Variants in UBR3 observed in about 807,000 individuals in gnomAD.
UBR3 encodes E3 ubiquitin-protein ligase UBR3.
Under a neutral mutation model 243.2 loss-of-function variants are expected in UBR3, and 85 were observed. The ratio of observed to expected loss-of-function variants is 0.35; its 90% CI spans 0.29 to 0.42. The LOEUF is 0.42. UBR3 is among the 10% of genes least tolerant of loss of function. The pLI is 1.00. For missense variants in UBR3, 1,686 were observed against 2,300.8 expected (o/e 0.73, Z 5.47); for synonymous variants, 748 against 799.8 (o/e 0.94, Z 1.09).
chr2:169,909,188 T>C lies in UBR3; in HGVS notation c.1779+3024T>C, dbSNP rs185003964. ...AGTAAACAAGTTGGAGTTGGAGAGA[T>C]AGGCAGAGATCAGATTATTATTGCA... On this transcript the variant is annotated intron_variant, in intron 10 of 38. Coordinates refer to ENST00000272793, the MANE Select transcript of UBR3 (RefSeq NM_172070.4). Among the ~76,000 whole-genome samples, 34 of 152,292 alleles carry C rather than the reference T, an allele frequency of 2.2e-4. 1 individual carries two copies. The highest frequency in any genetic ancestry group is 2.2e-3 in the Admixed American group (33 of 15,296).
At chr2:169,880,988 T>C (rs1366596952) in intron 5 of UBR3, among the ~76,000 whole-genome samples, 1 of 152,176 alleles carries the variant, frequency 6.6e-6, no homozygotes, top group East Asian at 1.9e-4. Context: ...CATTTGTTCC[T>C]TAATTATGAT....
At chr2:170,011,276 G>A (rs1028688446) in intron 29 of UBR3, among the ~76,000 whole-genome samples, 1 of 151,948 alleles carries the variant, frequency 6.6e-6, no homozygotes, top group Non-Finnish European at 1.5e-5. Flanking sequence ...TCTCAAAACA[G>A]GAAACCAGGC....
intron 1 of UBR3, among the ~76,000 whole-genome samples, chr2:169,852,070 T>A (rs2082678222): frequency 6.6e-6 from 1 of 152,170 alleles, no homozygotes; most frequent in Admixed American, 6.5e-5. Flanking sequence ...TGTGGTTTAA[T>A]CTCTCTGGGC....
chr2:169,922,182 GGGCCGAGGAGGGAGGATGACTTGA>G (rs1282801427), intron 11 of UBR3, among the ~76,000 whole-genome samples: 1 of 150,982 alleles, frequency 6.6e-6, no homozygotes, highest in African/African-American at 2.4e-5. Context: ...GCTGCTCAGG[GGGCCGAGGAGGGAGGATGACTTGA>G]GCCCGGGAGG....
chr2:169,896,759 G>A, intron 8 of UBR3, 24 bp downstream of exon 8: 1 of 1,478,532 alleles, frequency 6.8e-7, no homozygotes, highest in Non-Finnish European at 9.2e-7. Context: ...ATATTCACTA[G>A]TTCTATTATT....
intron 24 of UBR3, among the ~76,000 whole-genome samples, chr2:169,975,102 G>A (rs915200079): frequency 1.3e-5 from 2 of 152,066 alleles, no homozygotes; most frequent in African/African-American, 4.8e-5. Context: ...CCCGGGAGGT[G>A]GAGGTTGCAG....
At chr2:170,059,698 G>A (rs114071100) in intron 33 of UBR3, among the ~76,000 whole-genome samples, 4 of 152,006 alleles carry the variant, frequency 2.6e-5, no homozygotes, top group South Asian at 2.1e-4. Flanking sequence ...GAGAACCACC[G>A]CAGAGTCAGA....
intron 10 of UBR3, among the ~76,000 whole-genome samples, chr2:169,907,141 A>G (rs1050484070): frequency 2.7e-5 from 4 of 150,126 alleles, no homozygotes; most frequent in African/African-American, 4.9e-5. Context: ...GGTTTAAGCA[A>G]TTCTCCTGCC....
At chr2:170,029,476 A>C in intron 31 of UBR3, 28 bp downstream of exon 31, 1 of 1,529,888 alleles carries the variant, frequency 6.5e-7, no homozygotes, top group Non-Finnish European at 8.9e-7. Context: ...ACTAAAATCA[A>C]TTAAAACTCT....
intron 1 of UBR3, among the ~76,000 whole-genome samples, chr2:169,871,984 T>C (rs1308503508): frequency 6.6e-6 from 1 of 151,974 alleles, no homozygotes; most frequent in Admixed American, 6.6e-5. Context: ...TGCCCTGTAA[T>C]GAGATTTTCT....
intron 3 of UBR3, among the ~76,000 whole-genome samples, chr2:169,876,763 C>T (rs893407182): frequency 2.6e-5 from 4 of 151,968 alleles, no homozygotes; most frequent in East Asian, 1.9e-4. Context: ...GGGTTTTAAC[C>T]ATGTTGGCCA....
chr2:169,906,004 G>T (rs895180778), intron 9 of UBR3, 27 bp from the exon 10 acceptor site: 2 of 1,547,768 alleles, frequency 1.3e-6, no homozygotes, highest in South Asian at 2.4e-5. Context: ...ACTTGACAAG[G>T]TTTATATCTG....
At chr2:169,885,998 A>G (rs1418088993) in intron 5 of UBR3, among the ~76,000 whole-genome samples, 1 of 152,070 alleles carries the variant, frequency 6.6e-6, no homozygotes, top group Non-Finnish European at 1.5e-5. Flanking sequence ...CTCTACTAAA[A>G]ATACAAAAAT....
chr2:169,848,136 C>G (rs748572218), intron 1 of UBR3, among the ~76,000 whole-genome samples: 1 of 152,186 alleles, frequency 6.6e-6, no homozygotes, highest in Admixed American at 6.5e-5. Flanking sequence ...TGCTTCCCAT[C>G]TATCACAGAT....
intron 27 of UBR3, among the ~76,000 whole-genome samples, 180 bp downstream of exon 27, chr2:170,001,594 T>C (rs1392556804): frequency 6.6e-6 from 1 of 152,128 alleles, no homozygotes; most frequent in African/African-American, 2.4e-5. Flanking sequence ...TTTTTTAATT[T>C]CAGTTTCATT....
intron 1 of UBR3, among the ~76,000 whole-genome samples, chr2:169,870,661 A>AT (rs540084731): frequency 3.4e-4 from 50 of 148,826 alleles, no homozygotes; most frequent in South Asian, 1.1e-3. Context: ...TATTATTATT[A>AT]TTTTTTTTTT....
chr2:169,883,723 A>G (rs954817774), intron 5 of UBR3, among the ~76,000 whole-genome samples: 6 of 152,248 alleles, frequency 3.9e-5, no homozygotes, highest in African/African-American at 7.2e-5. Context: ...AAGTAATGCC[A>G]TTTTAGCCAG....
chr2:169,850,542 G>A (rs565644764), intron 1 of UBR3, among the ~76,000 whole-genome samples: 4 of 152,228 alleles, frequency 2.6e-5, no homozygotes, highest in South Asian at 2.1e-4. Flanking sequence ...AGGTGAAGGG[G>A]AAGTAAAAAG....
intron 32 of UBR3, among the ~76,000 whole-genome samples, chr2:170,052,581 A>G (rs2091243316): frequency 6.6e-6 from 1 of 152,238 alleles, no homozygotes; most frequent in Non-Finnish European, 1.5e-5. Context: ...ATTATGCTAA[A>G]TGAAATAAGC....
Sources: allele counts gnomAD v4.1 joint callset (sites outside exome capture counted in the v4.1 genomes callset), GRCh38; gene constraint gnomAD v4.1.1; transcripts MANE v1.5; gene names NCBI Gene and HGNC (gene_info 2026-07-23, HGNC 2026-07-21).